RARA: variants seen among roughly 807,000 people sequenced by gnomAD.
RARA encodes the protein PML-DDX5-RARA fusion.
Under a neutral mutation model 42.8 loss-of-function variants are expected in RARA, and 5 were observed. The observed-to-expected ratio is 0.12, with a 90% CI of 0.06 to 0.25. The LOEUF is 0.25. Among genes scored for constraint, RARA ranks in the 10% least tolerant of loss-of-function variants. The pLI is 1.00. For missense variants in RARA, 402 were observed against 628.7 expected, an observed-to-expected ratio of 0.64 and a Z score of 3.86; for synonymous variants, 256 against 259.5, an observed-to-expected ratio of 0.99 and a Z score of 0.13.
At position 40,355,191 on chromosome 17, in the gene RARA, C is replaced by T. The variant is rs910766514; in HGVS notation, c.1013-72C>T. 51 of 1,490,652 alleles carry T rather than the reference C, an allele frequency of 3.4e-5. No homozygotes were observed. The highest frequency in any genetic ancestry group is 2.1e-4 in the African/African-American group (15 of 71,450). The allele number at this position is 1,490,652 out of a possible 1,614,324, so 92.3% of individuals were successfully genotyped here. On this transcript the variant is annotated intron_variant, in intron 7 of 8. Transcript: ENST00000254066. The surrounding 1 kb of genome is among the most constrained non-coding windows in gnomAD (Gnocchi z 4.1). ...CCCTCCTCCATGGCCTGGGCAGGCA[C>T]GCCCCCCGGTGGCCGAGGCTGGGGG... is the stretch of plus-strand genomic sequence containing the variant.
intron 1 of RARA, among the ~76,000 whole-genome samples, chr17:40,316,949 G>A (rs1165317851): frequency 6.6e-6 from 1 of 152,232 alleles, no homozygotes; most frequent in Non-Finnish European, 1.5e-5. Flanking sequence ...CCCGTGCGCC[G>A]GCCCTCAGGG....
In RARA at chr17:40,356,674, G is replaced by T. The variant is rs771137228; in HGVS notation, c.*448G>T. On this transcript the variant is annotated 3_prime_UTR_variant, in exon 9 of 9. Coordinates refer to ENST00000254066, the MANE Select transcript of RARA (RefSeq NM_000964.4). ...TGGTGACAGAGGGGGTGGGACAGGG[G>T]CGGGGGGTTCCCCCTGTACATACCC... The T allele has an allele frequency of 3.7e-6, 2 of 539,652 alleles. No homozygotes were observed. Among genetic ancestry groups the T allele is most frequent in the South Asian group, 3.1e-5 (2 of 64,484 alleles). The allele number at this position is 539,652 out of a possible 1,614,324, so 33.4% of individuals were successfully genotyped here.
Position 40,352,134 on chromosome 17 carries a change from C to G in RARA, c.630+64C>G, listed in dbSNP as rs1001904591. ...AGGGCCACAGGGCCAGGATGGGCCC[C>G]TCTCAGGCACCCCTTCTTGTGCCAG... On this transcript the variant is annotated intron_variant, in intron 5 of 8. Coordinates refer to ENST00000254066, the MANE Select transcript of RARA (RefSeq NM_000964.4). The surrounding 1 kb of genome is among the most constrained non-coding windows in gnomAD (Gnocchi z 4.9). 359 of 1,476,810 alleles carry G rather than the reference C, an allele frequency of 2.4e-4. 1 individual carries two copies. The highest frequency in any genetic ancestry group is 4.2e-5 in the Non-Finnish European group (47 of 1,117,122). The allele number at this position is 1,476,810 out of a possible 1,614,324, so 91.5% of individuals were successfully genotyped here.
At chr17:40,316,211 G>A (rs896077650) in intron 1 of RARA, among the ~76,000 whole-genome samples, 2 of 152,228 alleles carry the variant, frequency 1.3e-5, no homozygotes, top group African/African-American at 4.8e-5. Flanking sequence ...TGCTGGTCTT[G>A]TTTGAGTGTC....
At chr17:40,310,299 C>T (rs571776291) in intron 1 of RARA, among the ~76,000 whole-genome samples, 8 of 151,480 alleles carry the variant, frequency 5.3e-5, no homozygotes, top group South Asian at 4.2e-4. Context: ...AGATCTAGGG[C>T]GTGTCATTCT....
In RARA at chr17:40,356,060, C is replaced by T; in HGVS notation, c.1223C>T (p.Pro408Leu). The change falls in exon 9 of 9, where the codon CCT (proline) becomes CTT (leucine). Residue 408 changes from proline (P) to leucine (L), a missense_variant. Around this residue, in one of 5 missense-constraint regions of RARA, gnomAD observed 104 missense variants for 160.1 expected, o/e 0.65. Transcript: ENST00000254066. ...ATGGAGATCCCGGGCTCCATGCCGC[C>T]TCTCATCCAGGAAATGTTGGAGAAC... is the stretch of plus-strand genomic sequence containing the variant. ...LKMEIPGSMP[P>L]LIQEMLENSE... 6.2e-7 allele frequency: 1 copy of T among 1,607,376 alleles called. No homozygotes were observed. The highest frequency in any genetic ancestry group is 8.5e-7 in the Non-Finnish European group (1 of 1,178,518).
chr17:40,315,171 T>TATATACACAC (rs1247793097), intron 1 of RARA, among the ~76,000 whole-genome samples: 4 of 76,564 alleles, frequency 5.2e-5, no homozygotes, highest in African/African-American at 2.3e-4. Flanking sequence ...TATATATATA[T>TATATACACAC]ACACACACAC....
At chr17:40,328,671 A>C (rs1039663163) in intron 1 of RARA, among the ~76,000 whole-genome samples, 1 of 152,248 alleles carries the variant, frequency 6.6e-6, no homozygotes, top group African/African-American at 2.4e-5. Flanking sequence ...TATTTCATAT[A>C]AATGGAATCC....
rs1598581068 is a variant in RARA, at chr17:40,350,178, C to G, written c.469+253C>G. On this transcript the variant is annotated intron_variant, in intron 4 of 8. Coordinates refer to ENST00000254066, the MANE Select transcript of RARA (RefSeq NM_000964.4). ...TGTAACCATTCCTGTTTCTGCACGT[C>G]TGGCTGTGTGTGCTTGCGTATGTGT... 3.7e-5 allele frequency: 19 copies of G among 517,996 alleles called. No homozygotes were observed. In the East Asian group the frequency reaches 6.7e-4, roughly 18 times the overall value. The allele number at this position is 517,996 out of a possible 1,614,324, so 32.1% of individuals were successfully genotyped here. A position where few individuals can be genotyped will look rare whatever the true frequency, so the allele number is the denominator to read the frequency against.
At position 40,352,647 on chromosome 17, in the gene RARA, CTCCCCATATG is replaced by C; in HGVS notation, c.807+144_807+153del. 1 of 810,672 alleles carries C rather than the reference CTCCCCATATG, an allele frequency of 1.2e-6. No homozygotes were observed. The highest frequency in any genetic ancestry group is 3.2e-5 in the Admixed American group (1 of 30,978). 50.2% of individuals were successfully genotyped at this position (810,672 alleles called of 1,614,324 possible). A position where few individuals can be genotyped will look rare whatever the true frequency, so the allele number is the denominator to read the frequency against. On this transcript the variant is annotated intron_variant, in intron 6 of 8. Transcript: ENST00000254066. This position sits in a 1 kb window ranked among gnomAD's most constrained non-coding sequence, Gnocchi z 4.9. ...CACCGCCCAAATGTCTGCCCTTCCT[CTCCCCATATG>C]TCCACCTGTCCACTCGTCTCCCTGT... is the stretch of plus-strand genomic sequence containing the variant.
intron 1 of RARA, among the ~76,000 whole-genome samples, chr17:40,323,731 TG>T (rs1299796489): frequency 3.4e-3 from 119 of 34,538 alleles, no homozygotes; most frequent in East Asian, 0.025. Flanking sequence ...GGAAGTTGCT[TG>T]GGGGGGGGTC....
intron 2 of RARA, among the ~76,000 whole-genome samples, chr17:40,333,856 C>CA (rs2033771138): frequency 6.6e-6 from 1 of 152,182 alleles, no homozygotes; most frequent in South Asian, 2.1e-4. Context: ...AGGCTGGTCT[C>CA]AAACTCCTGA....
At chr17:40,342,058 C>A (rs1032507073) in intron 2 of RARA, 14 of 1,036,074 alleles carry the variant, frequency 1.4e-5, no homozygotes, top group Non-Finnish European at 1.6e-5. Flanking sequence ...CCGGACGCGC[C>A]GGGAATGGGT....
intron 6 of RARA, among the ~76,000 whole-genome samples, chr17:40,353,035 TAA>T (rs2034504069): frequency 6.6e-6 from 1 of 152,126 alleles, no homozygotes; most frequent in Non-Finnish European, 1.5e-5. Context: ...AGGCAAGAGA[TAA>T]GTCAACAGAG....
At position 40,345,820 on chromosome 17, in the gene RARA, T is replaced by C. The variant is rs1567759399; in HGVS notation, c.179-2496T>C. ...GGAGTTATGGCCGTGTCCTAACTCTTGCAGAGGCTGTGAGGATTCCGGAGT... is the reference window on the plus strand; with the variant it reads ...GGAGTTATGGCCGTGTCCTAACTCTCGCAGAGGCTGTGAGGATTCCGGAGT... On this transcript the variant is annotated intron_variant, in intron 2 of 8. Transcript: ENST00000254066. The surrounding 1 kb of genome is among the most constrained non-coding windows in gnomAD (Gnocchi z 4.8). 6.6e-6 allele frequency among the ~76,000 whole-genome samples: 1 copy of C among 152,220 alleles called. No individual in the cohort carries two copies. Among genetic ancestry groups the C allele is most frequent in the Non-Finnish European group, 1.5e-5 (1 of 68,030 alleles).
chr17:40,318,861 C>A (rs1291549883), intron 1 of RARA, among the ~76,000 whole-genome samples: 1 of 152,222 alleles, frequency 6.6e-6, no homozygotes, highest in Admixed American at 6.5e-5. Flanking sequence ...TCTGAGCTGC[C>A]CTGTGGTTTG....
At position 40,355,511 on chromosome 17, in the gene RARA, G is replaced by A; in HGVS notation, c.1171+90G>A. ...CCAGCACCCCATGTCTTTGTGCCAG[G>A]ACAATACGACACCTGTCCCCATCTG... On this transcript the variant is annotated intron_variant, in intron 8 of 8. Coordinates refer to ENST00000254066, the MANE Select transcript of RARA (RefSeq NM_000964.4). The surrounding 1 kb of genome is among the most constrained non-coding windows in gnomAD (Gnocchi z 4.1). 6.8e-7 allele frequency: 1 copy of A among 1,464,010 alleles called. No homozygotes were observed. Among genetic ancestry groups the A allele is most frequent in the Non-Finnish European group, 9.2e-7 (1 of 1,088,872 alleles). The allele number at this position is 1,464,010 out of a possible 1,614,324, so 90.7% of individuals were successfully genotyped here.
intron 2 of RARA, chr17:40,343,031 A>G: frequency 2.2e-6 from 3 of 1,366,768 alleles, no homozygotes; most frequent in Admixed American, 5.8e-5. Context: ...TCCCGGCCGC[A>G]CCCTCCCCCC....
At chr17:40,317,580 G>A (rs1395396884) in intron 1 of RARA, among the ~76,000 whole-genome samples, 1 of 143,388 alleles carries the variant, frequency 7.0e-6, no homozygotes, top group African/African-American at 2.5e-5. Flanking sequence ...TTGAGGAGAA[G>A]AGTACTTTAA....
Sources: gnomAD v4.1 joint callset for allele counts (sites outside exome capture counted in the v4.1 genomes callset) on GRCh38, gnomAD v4.1.1 for gene constraint, gnomAD v4.1.1 regional missense constraint, Gnocchi (gnomAD v3.1) non-coding constraint, MANE v1.5 for transcripts, NCBI Gene and HGNC (gene_info 2026-07-23, HGNC 2026-07-21) for gene names.